Variants in CNTN4 observed in about 807,000 individuals in gnomAD.
The protein encoded by CNTN4 is contactin 4, also known as contactin-4.
CNTN4 carries 77 observed loss-of-function variants against 122.5 expected under a neutral mutation model. The observed-to-expected ratio is 0.63, with a 90% CI of 0.52 to 0.76. CNTN4 has a LOEUF of 0.76. CNTN4 is among the 30% of genes least tolerant of loss of function. The probability of loss-of-function intolerance (pLI) is 0.00; values close to 1 mark genes in which losing one functional copy is unlikely to be tolerated. For synonymous variants in CNTN4, 512 were observed against 447.0 expected (o/e 1.15, Z -1.83); for missense variants, 1,256 against 1,259.1 (o/e 1.00, Z 0.04).
At chr3:2,701,044 T>C (rs2086330921) in intron 4 of CNTN4, among the ~76,000 whole-genome samples, 1 of 152,240 alleles carries the variant, frequency 6.6e-6, no homozygotes, top group Non-Finnish European at 1.5e-5. Flanking sequence ...TTTTCACCAC[T>C]GATTTAGTAG....
chr3:2,104,867 T>G (rs1433916450), intron 2 of CNTN4, among the ~76,000 whole-genome samples: 1 of 152,218 alleles, frequency 6.6e-6, no homozygotes. Context: ...ATTTTGGTTA[T>G]TTGCCAAATA....
At chr3:2,856,391 G>A (rs913152921) in intron 7 of CNTN4, among the ~76,000 whole-genome samples, 1 of 152,156 alleles carries the variant, frequency 6.6e-6, no homozygotes, top group Admixed American at 6.5e-5. Context: ...GCAAAAGGTG[G>A]TGGCTGAGAT....
At chr3:2,601,020 T>C (rs550926556) in intron 4 of CNTN4, among the ~76,000 whole-genome samples, 1 of 152,338 alleles carries the variant, frequency 6.6e-6, no homozygotes, top group African/African-American at 2.4e-5. Context: ...TGTCTGTTCA[T>C]ATTCATTGCC....
chr3:3,022,293 C>G (rs994936737), intron 14 of CNTN4, among the ~76,000 whole-genome samples: 1 of 152,130 alleles, frequency 6.6e-6, no homozygotes, highest in African/African-American at 2.4e-5. Context: ...TTGCATGCCT[C>G]TAGTCCTACC....
At chr3:2,103,897 G>GCTCT (rs2032206024) in intron 2 of CNTN4, among the ~76,000 whole-genome samples, 1 of 152,108 alleles carries the variant, frequency 6.6e-6, no homozygotes. Context: ...GCCTGTTAGA[G>GCTCT]TTTTGGTTCC....
Position 2,473,940 on chromosome 3 carries a change from G to T in CNTN4, c.-88-97476G>T, listed in dbSNP as rs368584259. Among the ~76,000 whole-genome samples, 4 of 152,002 alleles carry T rather than the reference G, an allele frequency of 2.6e-5. No homozygotes were observed. The East Asian group carries it at 5.8e-4, about 22-fold the overall frequency. ...GGCAGGAGAATCACTTGAACTCGGG[G>T]GAGGCGAAGGTTGTGGTGAGCCAAG... On this transcript the variant is annotated intron_variant, in intron 3 of 24. Coordinates refer to ENST00000418658, the MANE Select transcript of CNTN4 (RefSeq NM_175607.3).
intron 7 of CNTN4, among the ~76,000 whole-genome samples, chr3:2,857,227 G>A (rs1190071141): frequency 6.6e-6 from 1 of 152,160 alleles, no homozygotes; most frequent in Non-Finnish European, 1.5e-5. Flanking sequence ...TTGAGAAAAA[G>A]CCATATTCTT....
intron 3 of CNTN4, among the ~76,000 whole-genome samples, chr3:2,387,299 C>T (rs529758455): frequency 1.0e-3 from 158 of 152,102 alleles, no homozygotes; most frequent in African/African-American, 3.7e-3. Context: ...AAGCAGTTGG[C>T]AAATCACTTA....
At chr3:2,372,078 A>G (rs1049680710) in intron 3 of CNTN4, among the ~76,000 whole-genome samples, 1 of 152,244 alleles carries the variant, frequency 6.6e-6, no homozygotes, top group East Asian at 1.9e-4. Context: ...AGCTCTGGTA[A>G]TAAGGGCTTA....
chr3:2,172,320 A>G (rs990883841), intron 2 of CNTN4, among the ~76,000 whole-genome samples: 1 of 152,278 alleles, frequency 6.6e-6, no homozygotes, highest in East Asian at 1.9e-4. Context: ...CAAACATTGT[A>G]TGTTCTCACT....
At chr3:2,421,807 A>G (rs551015252) in intron 3 of CNTN4, among the ~76,000 whole-genome samples, 20 of 152,356 alleles carry the variant, frequency 1.3e-4, no homozygotes, top group South Asian at 2.1e-4. Flanking sequence ...TTTCTCTGCA[A>G]TAAAACTCAT....
At chr3:2,869,446 G>A (rs1577101978) in intron 8 of CNTN4, among the ~76,000 whole-genome samples, 1 of 152,156 alleles carries the variant, frequency 6.6e-6, no homozygotes, top group African/African-American at 2.4e-5. Context: ...AATCAAGGAT[G>A]ACACATAGGT....
intron 4 of CNTN4, among the ~76,000 whole-genome samples, chr3:2,622,914 A>G (rs2082044393): frequency 6.6e-6 from 1 of 152,220 alleles, no homozygotes; most frequent in African/African-American, 2.4e-5. Flanking sequence ...AATAGGTCAT[A>G]TGAGAATGAT....
intron 4 of CNTN4, among the ~76,000 whole-genome samples, chr3:2,667,727 T>A (rs6797124): frequency 1.9e-5 from 2 of 105,184 alleles, no homozygotes; most frequent in Non-Finnish European, 1.9e-5. Flanking sequence ...GGTTTTAGGT[T>A]TAACGTTTAA....
intron 23 of CNTN4, among the ~76,000 whole-genome samples, chr3:3,051,393 G>C (rs148773626): frequency 1.3e-5 from 2 of 152,296 alleles, no homozygotes; most frequent in Non-Finnish European, 2.9e-5. Flanking sequence ...CTGCAAGACT[G>C]ATAAGCAGTG....
chr3:3,050,918 C>T (rs1701203711), intron 23 of CNTN4, among the ~76,000 whole-genome samples: 1 of 152,126 alleles, frequency 6.6e-6, no homozygotes, highest in Non-Finnish European at 1.5e-5. Context: ...CATTGCCTTC[C>T]TTAAGAGGTT....
At chr3:2,374,278 A>G (rs1246963023) in intron 3 of CNTN4, among the ~76,000 whole-genome samples, 1 of 152,204 alleles carries the variant, frequency 6.6e-6, no homozygotes, top group Non-Finnish European at 1.5e-5. Context: ...TGGATACTAC[A>G]GGTTGTCTCT....
chr3:2,527,433 CTGT>C (rs1458374547), intron 3 of CNTN4, among the ~76,000 whole-genome samples: 20 of 151,302 alleles, frequency 1.3e-4, no homozygotes, highest in Admixed American at 3.3e-4. Flanking sequence ...GCTGCTGCTG[CTGT>C]TGCTGTTATT....
At position 2,499,035 on chromosome 3, in the gene CNTN4, C is replaced by T. The variant is rs573700359; in HGVS notation, c.-88-72381C>T. ...GAACTCCTGACCTCAAGTGTTTGCCCGCCTCAGCTTCCCAAAGTGCTGGGA... is the reference window on the plus strand; with the variant it reads ...GAACTCCTGACCTCAAGTGTTTGCCTGCCTCAGCTTCCCAAAGTGCTGGGA... On this transcript the variant is annotated intron_variant, in intron 3 of 24. Transcript: ENST00000418658. Among the ~76,000 whole-genome samples the T allele has an allele frequency of 3.1e-3, 465 of 152,114 alleles. 2 individuals carry two copies. The highest frequency in any genetic ancestry group is 9.9e-3 in the African/African-American group (412 of 41,512).
Sources: allele counts gnomAD v4.1 joint callset (sites outside exome capture counted in the v4.1 genomes callset), GRCh38; gene constraint gnomAD v4.1.1; transcripts MANE v1.5; gene names NCBI Gene and HGNC (gene_info 2026-07-23, HGNC 2026-07-21).